Variants in MYO15A observed in about 807,000 individuals in gnomAD.
The protein encoded by MYO15A is unconventional myosin-XV.
A neutral mutation model predicts 394.6 loss-of-function variants in MYO15A; 308 were observed. The observed-to-expected ratio is 0.78, with a 90% CI of 0.71 to 0.86. MYO15A has a LOEUF of 0.86. Ranked by LOEUF, MYO15A falls within the 40% of genes least tolerant of loss-of-function variation. The pLI is 0.00. For synonymous variants in MYO15A, 1,957 were observed against 2,003.8 expected (o/e 0.98, Z 0.62); for missense variants, 4,606 against 4,799.1 (o/e 0.96, Z 1.19).
chr17:18,163,884 G>T, intron 60 of MYO15A, 46 bp downstream of exon 60: 1 of 1,585,492 alleles, frequency 6.3e-7, no homozygotes. Flanking sequence ...TCCCATCCCC[G>T]GGCCTTGTGC....
chr17:18,124,440 G>A (rs1567628323), intron 2 of MYO15A, 43 bp from the exon 3 acceptor site: 1 of 1,590,158 alleles, frequency 6.3e-7, no homozygotes, highest in Non-Finnish European at 8.6e-7. Context: ...GGGGGAGGGG[G>A]GTGCCCTTCA....
rs1199334376 is a variant in MYO15A, at chr17:18,143,601, G to A, written c.5946G>A (p.Ala1982=). Residue 1982 remains alanine, a synonymous_variant, in exon 26 of 66, where the codon GCG becomes GCA. Coordinates refer to ENST00000647165, the MANE Select transcript of MYO15A (RefSeq NM_016239.4). ...RAEWRCQVEG[A]LLWEQEELSK... is the part of the protein sequence containing the mutation. ...AGTGGAGGTGCCAGGTGGAGGGGGC[G>A]CTGCTGTGGGAGCAGGAGGTGGGTG... 3.8e-6 allele frequency: 6 copies of A among 1,565,774 alleles called. No individual in the cohort carries two copies. In the South Asian group the frequency reaches 4.7e-5, roughly 12 times the overall value.
chr17:18,160,243 G>A (rs547334394), intron 56 of MYO15A, among the ~76,000 whole-genome samples: 3 of 152,322 alleles, frequency 2.0e-5, no homozygotes, highest in Admixed American at 1.3e-4. Flanking sequence ...GTGATAATGT[G>A]TAAGTCCAGA....
chr17:18,126,663 C>A, intron 5 of MYO15A, 128 bp from the exon 6 acceptor site: 1 of 1,206,956 alleles, frequency 8.3e-7, no homozygotes, highest in Non-Finnish European at 1.2e-6. Context: ...GGGGTGGGAG[C>A]ATTCCCCCAA....
chr17:18,167,429 C>T (rs923649863), intron 61 of MYO15A, among the ~76,000 whole-genome samples, 161 bp from the exon 62 acceptor site: 3 of 152,258 alleles, frequency 2.0e-5, no homozygotes, highest in African/African-American at 7.2e-5. Context: ...CCCTTATGTG[C>T]TTCTGCCATC....
At chr17:18,175,664 T>C (rs2047005235) in intron 65 of MYO15A, among the ~76,000 whole-genome samples, 1 of 152,114 alleles carries the variant, frequency 6.6e-6, no homozygotes, top group Admixed American at 6.5e-5. Context: ...ATACTGAGGC[T>C]TTCAAAACCA....
chr17:18,142,456 G>A (rs1269259917), intron 24 of MYO15A, among the ~76,000 whole-genome samples: 1 of 152,218 alleles, frequency 6.6e-6, no homozygotes, highest in African/African-American at 2.4e-5. Context: ...GTGACTGGTG[G>A]GTGGGAATCC....
chr17:18,169,970 C>CA (rs202026399), intron 62 of MYO15A, among the ~76,000 whole-genome samples: 3,520 of 59,590 alleles, frequency 0.059, 316 homozygotes, highest in African/African-American at 0.13. Context: ...GACCCTGTCT[C>CA]AAAAAAAAAA....
chr17:18,139,397 C>T, intron 18 of MYO15A, 137 bp from the exon 19 acceptor site: 1 of 1,050,460 alleles, frequency 9.5e-7, no homozygotes, highest in Non-Finnish European at 1.4e-6. Flanking sequence ...ATGGCGAATG[C>T]TCCCCTCCCC....
In MYO15A at chr17:18,157,816, G is replaced by C; in HGVS notation, c.8883G>C (p.Thr2961=). The part of the protein sequence containing the change: ...AAAPDFLQLP[T]EPGRGRAAAV... ...CCCCCGACTTCCTGCAGCTGCCAAC[G>C]GAGCCAGGCCGCGGCCGAGCAGCCG... Residue 2961 remains threonine (T), a synonymous_variant, in exon 51 of 66, where the codon ACG becomes ACC. Coordinates refer to ENST00000647165, the MANE Select transcript of MYO15A (RefSeq NM_016239.4). 4 of 1,600,572 alleles carry C rather than the reference G, an allele frequency of 2.5e-6. No individual in the cohort carries two copies. The highest frequency in any genetic ancestry group is 3.4e-6 in the Non-Finnish European group (4 of 1,178,316).
Position 18,148,315 on chromosome 17 carries a change from C to A in MYO15A, c.6691+105C>A, listed in dbSNP as rs2046516470. The A allele has an allele frequency of 1.3e-6, 2 of 1,520,594 alleles. No homozygotes were observed. The highest frequency in any genetic ancestry group is 4.8e-5 in the East Asian group (2 of 41,406). 94.2% of individuals were successfully genotyped at this position (1,520,594 alleles called of 1,614,324 possible). On this transcript the variant is annotated intron_variant, in intron 31 of 65. Coordinates refer to ENST00000647165, the MANE Select transcript of MYO15A (RefSeq NM_016239.4). This position sits in a 1 kb window ranked among gnomAD's most constrained non-coding sequence, Gnocchi z 4.8. ...TGGATGTTCTGGAGCTGGGGAGGGG[C>A]CTTCTCAGATGTGGCTCTGCGTGAA... is the stretch of plus-strand genomic sequence containing the variant.
intron 8 of MYO15A, 58 bp downstream of exon 8, chr17:18,130,868 G>GTGTGTGTGTGTGTGTC (rs1403173028): frequency 2.1e-6 from 3 of 1,446,142 alleles, no homozygotes; most frequent in African/African-American, 2.9e-5. Context: ...GTGTGTGTGT[G>GTGTGTGTGTGTGTGTC]TGTCTGTCCA....
At chr17:18,116,086 T>A (rs2045779205) in intron 1 of MYO15A, among the ~76,000 whole-genome samples, 1 of 152,206 alleles carries the variant, frequency 6.6e-6, no homozygotes, top group African/African-American at 2.4e-5. Context: ...CCACAGAGGC[T>A]TTTGAATGAA....
chr17:18,152,051 C>A, intron 41 of MYO15A, 61 bp from the exon 42 acceptor site: 1 of 1,542,444 alleles, frequency 6.5e-7, no homozygotes, highest in South Asian at 1.2e-5. Flanking sequence ...TGTGGCCCTG[C>A]CACTGCCCCT....
intron 15 of MYO15A, among the ~76,000 whole-genome samples, chr17:18,136,893 T>C (rs542880341): frequency 4.3e-4 from 65 of 152,380 alleles, no homozygotes; most frequent in African/African-American, 1.5e-3. Flanking sequence ...GGCCAGGCCC[T>C]GTGCTGGGCA....
chr17:18,157,868 G>C lies in MYO15A; in HGVS notation c.8935G>C (p.Ala2979Pro), dbSNP rs748594289. 1 of 1,500,428 alleles carries C rather than the reference G, an allele frequency of 6.7e-7. No individual in the cohort carries two copies. The highest frequency in any genetic ancestry group is 1.2e-5 in the South Asian group (1 of 85,826). The allele number at this position is 1,500,428 out of a possible 1,614,324, so 92.9% of individuals were successfully genotyped here. The change falls in exon 51 of 66, where the codon GCC becomes CCC. Residue 2979 changes from alanine (A) to proline (P), a missense_variant. Ala to Pro is a conservative substitution (Grantham distance 27). Coordinates refer to ENST00000647165, the MANE Select transcript of MYO15A (RefSeq NM_016239.4). ...CGTGGCCGCTGCTGTGGCCTCTGCAGCCGCTGCACAGGAGGTGGGCCGCAG... is the reference window on the plus strand; with the variant it reads ...CGTGGCCGCTGCTGTGGCCTCTGCACCCGCTGCACAGGAGGTGGGCCGCAG... Reference protein sequence around the residue: ...AAVAAAVASAAAAQEVGRRRE... With the variant: ...AAVAAAVASAPAAQEVGRRRE...
intron 48 of MYO15A, 118 bp downstream of exon 48, chr17:18,156,454 C>A: frequency 8.4e-7 from 1 of 1,197,554 alleles, no homozygotes; most frequent in Non-Finnish European, 1.2e-6. Context: ...AAGGCCTTTG[C>A]ACTGGCTGTG....
rs1414312635 is a variant in MYO15A at position 18,121,199 on chromosome 17, C to G, written c.2399C>G (p.Ser800Cys). 1 of 1,505,866 alleles carries G rather than the reference C, an allele frequency of 6.6e-7. No individual in the cohort carries two copies. Among genetic ancestry groups the G allele is most frequent in the Non-Finnish European group, 8.8e-7 (1 of 1,133,980 alleles). The allele number at this position is 1,505,866 out of a possible 1,614,324, so 93.3% of individuals were successfully genotyped here. A position where few individuals can be genotyped will look rare whatever the true frequency, so the allele number is the denominator to read the frequency against. The change falls in exon 2 of 66, where the codon TCC becomes TGC. Residue 800 changes from serine (S) to cysteine (C), a missense_variant. By Grantham distance (112) the Ser-to-Cys change is moderately radical. Around this residue, in one of 2 missense-constraint regions of MYO15A, gnomAD observed 1,830 missense variants for 1,689.7 expected, o/e 1.08. Transcript: ENST00000647165. The surrounding 1 kb of genome is among the most constrained non-coding windows in gnomAD (Gnocchi z 5.3). ...SPLAPPSPQL[S>C]LRTGPFQPPF... ...TTGGCGCCCCCGTCGCCTCAGCTGT[C>G]CTTGCGCACGGGCCCCTTCCAGCCG...
intron 46 of MYO15A, 36 bp downstream of exon 46, chr17:18,155,261 G>A: frequency 6.2e-7 from 1 of 1,613,728 alleles, no homozygotes. Context: ...CCTGTCCAGA[G>A]GATTCAGGGA....
Sources: allele counts gnomAD v4.1 joint callset (sites outside exome capture counted in the v4.1 genomes callset), GRCh38; gene constraint gnomAD v4.1.1; regional missense constraint gnomAD v4.1.1; non-coding constraint Gnocchi (gnomAD v3.1); transcripts MANE v1.5; gene names NCBI Gene and HGNC (gene_info 2026-07-23, HGNC 2026-07-21).